The following SVOP variants were observed in gnomAD, a reference collection of about 807,000 sequenced individuals.
SVOP encodes the protein synaptic vesicle 2-related protein.
Under a neutral mutation model 69.1 loss-of-function variants are expected in SVOP, and 17 were observed. That is an observed-to-expected ratio of 0.25 (90% CI 0.17 to 0.37). The LOEUF (loss-of-function observed/expected upper bound fraction) is 0.37, where lower values mean the gene tolerates loss of function less well. Ranked by LOEUF, SVOP falls within the 10% of genes least tolerant of loss-of-function variation. The pLI, the probability that SVOP is intolerant of heterozygous loss-of-function variation, is 1.00. For synonymous variants in SVOP, 238 were observed against 238.6 expected (o/e 1.00, Z 0.02); for missense variants, 435 against 597.5 (o/e 0.73, Z 2.84).
chr12:108,981,050 A>G (rs1259374417), intron 2 of SVOP, among the ~76,000 whole-genome samples: 1 of 152,214 alleles, frequency 6.6e-6, no homozygotes, highest in African/African-American at 2.4e-5. Context: ...TATGTCAATC[A>G]TAATTTTCTC....
chr12:109,019,277 T>C (rs1447143859), intron 1 of SVOP, among the ~76,000 whole-genome samples: 1 of 152,184 alleles, frequency 6.6e-6, no homozygotes, highest in Non-Finnish European at 1.5e-5. Context: ...AAGTGAAAAC[T>C]TCTTATTTTT....
At chr12:108,930,820 A>C (rs2039812777) in intron 11 of SVOP, among the ~76,000 whole-genome samples, 1 of 152,214 alleles carries the variant, frequency 6.6e-6, no homozygotes, top group South Asian at 2.1e-4. Flanking sequence ...GTTACAGTTC[A>C]TACAGCTCAC....
In SVOP at chr12:109,006,360, G is replaced by A. The variant is rs565884954; in HGVS notation, c.35+14474C>T. Among the ~76,000 whole-genome samples the A allele has an allele frequency of 7.9e-5, 12 of 152,122 alleles. No homozygotes were observed. In the South Asian group the frequency reaches 8.3e-4, roughly 11 times the overall value. On this transcript the variant is annotated intron_variant, in intron 1 of 15. Coordinates refer to ENST00000610966, the MANE Select transcript of SVOP (RefSeq NM_018711.5). Reference sequence around the variant, plus strand: ...ACCCACTGTGCCCACCCCAGAAAGCGTTTCTTAAATATAGGTTTTAATATT... The same window carrying A: ...ACCCACTGTGCCCACCCCAGAAAGCATTTCTTAAATATAGGTTTTAATATT...
At chr12:108,977,364 G>A in intron 4 of SVOP, 34 bp downstream of exon 4, 1 of 1,535,930 alleles carries the variant, frequency 6.5e-7, no homozygotes, top group South Asian at 1.2e-5. Context: ...GAGCAGAACT[G>A]TATGCAACAG....
chr12:108,999,872 C>A (rs1467008761), intron 1 of SVOP, among the ~76,000 whole-genome samples: 19 of 151,878 alleles, frequency 1.3e-4, no homozygotes, highest in African/African-American at 4.3e-4. Flanking sequence ...AAAGATCCAA[C>A]ATTGACACCC....
intron 11 of SVOP, among the ~76,000 whole-genome samples, chr12:108,923,833 A>T (rs1218682583): frequency 6.6e-6 from 1 of 152,046 alleles, no homozygotes; most frequent in Non-Finnish European, 1.5e-5. Context: ...ACAAGATCTC[A>T]TCCCTGTTCC....
At chr12:108,977,986 G>A (rs906315145) in intron 3 of SVOP, among the ~76,000 whole-genome samples, 8 of 152,078 alleles carry the variant, frequency 5.3e-5, no homozygotes, top group African/African-American at 9.7e-5. Flanking sequence ...GTACCTTTAC[G>A]AGACTAGACA....
chr12:109,012,206 C>A (rs1272175205), intron 1 of SVOP, among the ~76,000 whole-genome samples: 2 of 151,832 alleles, frequency 1.3e-5, no homozygotes, highest in Non-Finnish European at 2.9e-5. Flanking sequence ...TCGCTTGAGC[C>A]TGAGAGGTGG....
intron 11 of SVOP, among the ~76,000 whole-genome samples, chr12:108,931,550 C>T (rs2051383206): frequency 6.6e-6 from 1 of 152,104 alleles, no homozygotes; most frequent in Admixed American, 6.6e-5. Flanking sequence ...TAAAAGCTTC[C>T]CGGCTCTGCA....
chr12:108,933,548 G>C (rs1004073023), intron 11 of SVOP, among the ~76,000 whole-genome samples: 2 of 151,630 alleles, frequency 1.3e-5, no homozygotes, highest in Admixed American at 1.3e-4. Context: ...AGACATGGTG[G>C]TGCCACCTGT....
intron 11 of SVOP, chr12:108,926,373 T>C (rs985038325): frequency 6.6e-6 from 1 of 152,238 alleles, no homozygotes; most frequent in Non-Finnish European, 1.5e-5. Flanking sequence ...GATTTTGTTC[T>C]TTTTTATGGC....
At chr12:108,967,744 C>T (rs1281556687) in intron 5 of SVOP, among the ~76,000 whole-genome samples, 1 of 152,140 alleles carries the variant, frequency 6.6e-6, no homozygotes, top group East Asian at 1.9e-4. Flanking sequence ...CCCCTATGCA[C>T]TGGATGCCAG....
At chr12:108,978,126 G>A (rs1344801383) in intron 3 of SVOP, among the ~76,000 whole-genome samples, 1 of 152,164 alleles carries the variant, frequency 6.6e-6, no homozygotes, top group Non-Finnish European at 1.5e-5. Flanking sequence ...AAAATATGTA[G>A]TTAGATCACC....
chr12:108,968,736 T>C (rs2040060810), intron 5 of SVOP, among the ~76,000 whole-genome samples: 2 of 122,518 alleles, frequency 1.6e-5, no homozygotes, highest in African/African-American at 6.0e-5. Context: ...TGTGTGCATG[T>C]TTGTCTTTTG....
intron 7 of SVOP, 33 bp downstream of exon 7, chr12:108,945,070 T>A: frequency 1.3e-6 from 2 of 1,534,624 alleles, no homozygotes; most frequent in Non-Finnish European, 1.7e-6. Flanking sequence ...GGAATCCACA[T>A]GCTCTAGAGA....
chr12:108,960,035 C>T (rs1304382914), intron 6 of SVOP, among the ~76,000 whole-genome samples: 3 of 152,106 alleles, frequency 2.0e-5, no homozygotes, highest in African/African-American at 4.8e-5. Context: ...CTGGGTAAAC[C>T]GTTTAGAACA....
intron 7 of SVOP, 66 bp from the exon 8 acceptor site, chr12:108,940,975 G>A: frequency 1.3e-6 from 2 of 1,502,224 alleles, no homozygotes; most frequent in South Asian, 1.2e-5. Context: ...AATTATGGGG[G>A]CATTGTGGAC....
At chr12:108,975,934 C>T (rs1455432010) in intron 4 of SVOP, among the ~76,000 whole-genome samples, 1 of 152,114 alleles carries the variant, frequency 6.6e-6, no homozygotes, top group Non-Finnish European at 1.5e-5. Context: ...CTCCTGGCCT[C>T]AAGTGATCTG....
In SVOP at chr12:108,983,679, C is replaced by T. The variant is rs1037110695; in HGVS notation, c.118G>A (p.Gly40Arg). The change falls in exon 2 of 16, where the codon GGG becomes AGG. Residue 40 changes from glycine to arginine, a missense_variant. Gly to Arg is a moderately radical substitution (Grantham distance 125, BLOSUM62 -2). Coordinates refer to ENST00000610966, the MANE Select transcript of SVOP (RefSeq NM_018711.5). ...ASGEHEVQIE[G>R]VHVGLEAVEL... ...ACAGCCTCTAGGCCCACGTGGACCCCTTCAATCTGGACTTCATGCTCTCCT... is the reference window on the plus strand; with the variant it reads ...ACAGCCTCTAGGCCCACGTGGACCCTTTCAATCTGGACTTCATGCTCTCCT... The T allele has an allele frequency of 9.7e-4, 387 of 398,838 alleles. 4 individuals are homozygous for T. In the East Asian group the frequency reaches 0.014, roughly 14 times the overall value. The allele number at this position is 398,838 out of a possible 1,614,324, so 24.7% of individuals were successfully genotyped here.
Sources: allele counts gnomAD v4.1 joint callset (sites outside exome capture counted in the v4.1 genomes callset), GRCh38; gene constraint gnomAD v4.1.1; transcripts MANE v1.5; gene names NCBI Gene and HGNC (gene_info 2026-07-23, HGNC 2026-07-21).